Variants in TPX2 observed in about 807,000 individuals in gnomAD.
TPX2 encodes the protein TPX2 microtubule nucleation factor.
TPX2 carries 21 observed loss-of-function variants against 93.6 expected under a neutral mutation model. That is an observed-to-expected ratio of 0.22 (90% CI 0.16 to 0.32). The LOEUF is 0.32. TPX2 is among the 10% of genes least tolerant of loss of function. The pLI, the probability that TPX2 is intolerant of heterozygous loss-of-function variation, is 1.00. For missense variants in TPX2, 776 were observed against 871.1 expected, an observed-to-expected ratio of 0.89 and a Z score of 1.37; for synonymous variants, 281 against 298.3, an observed-to-expected ratio of 0.94 and a Z score of 0.60.
rs762398409 is a variant in TPX2 at position 31,775,868 on chromosome 20, C to A, written c.610C>A (p.Gln204Lys). 4 of 1,564,266 alleles carry A rather than the reference C, an allele frequency of 2.6e-6. No homozygotes were observed. Among genetic ancestry groups the A allele is most frequent in the Middle Eastern group, 1.7e-4 (1 of 5,828 alleles). Reference protein sequence around the residue: ...HTVPCMPPAKQKFLKSTEEQE... With the variant: ...HTVPCMPPAKKKFLKSTEEQE... ...CTCATTTACTGATTTTCTCTTTAGG[C>A]AGAAGTTTCTAAAAAGTACTGAGGA... The change falls in exon 8 of 18, where the codon CAG (glutamine) becomes AAG (lysine). Residue 204 changes from glutamine (Q) to lysine (K), a missense_variant and splice_region_variant. Transcript: ENST00000300403.
At chr20:31,785,981 A>G (rs2062063572) in intron 12 of TPX2, among the ~76,000 whole-genome samples, 1 of 152,270 alleles carries the variant, frequency 6.6e-6, no homozygotes, top group Admixed American at 6.5e-5. Context: ...TTTTAAATAA[A>G]TATGTAAATG....
Position 31,775,997 on chromosome 20 carries a change from G to T in TPX2, c.730+9G>T. ...TGCTCTGGCTGGAATAGGTGAGCTT[G>T]GCTGTGGTTGAGTCTGATTCATGAG... is the stretch of plus-strand genomic sequence containing the variant. On this transcript the variant is annotated intron_variant, in intron 8 of 17. Transcript: ENST00000300403. 2 of 1,469,932 alleles carry T rather than the reference G, an allele frequency of 1.4e-6. No homozygotes were observed. The highest frequency in any genetic ancestry group is 1.8e-6 in the Non-Finnish European group (2 of 1,099,090). 91.1% of individuals were successfully genotyped at this position (1,469,932 alleles called of 1,614,324 possible).
chr20:31,779,773 A>G (rs1250376301), intron 10 of TPX2, among the ~76,000 whole-genome samples: 1 of 152,252 alleles, frequency 6.6e-6, no homozygotes, highest in East Asian at 1.9e-4. Flanking sequence ...GATACTTAGC[A>G]CAGGTGGAGT....
intron 12 of TPX2, among the ~76,000 whole-genome samples, chr20:31,789,994 T>C (rs1479635302): frequency 6.6e-6 from 1 of 152,228 alleles, no homozygotes; most frequent in Non-Finnish European, 1.5e-5. Flanking sequence ...TTTAAGGTTA[T>C]ACAGATTGGA....
rs539798306 is a variant in TPX2 at position 31,800,477 on chromosome 20, A to G, written c.2134-493A>G. On this transcript the variant is annotated intron_variant, in intron 17 of 17. Transcript: ENST00000300403. ...TTAGGATTGATTTTAGACTACCCTA[A>G]AGGATGGATGGGACCATGCCTTCTT... Among the ~76,000 whole-genome samples the G allele has an allele frequency of 2.0e-5, 3 of 152,316 alleles. No homozygotes were observed. The East Asian group carries it at 5.8e-4, about 29-fold the overall frequency.
At chr20:31,744,222 C>T (rs867722562) in intron 2 of TPX2, among the ~76,000 whole-genome samples, 13 of 128,354 alleles carry the variant, frequency 1.0e-4, no homozygotes, top group African/African-American at 4.1e-4. Flanking sequence ...AGTGCAATGG[C>T]GCGATCTCTG....
intron 7 of TPX2, among the ~76,000 whole-genome samples, chr20:31,773,800 A>G (rs1340462797): frequency 3.3e-5 from 5 of 152,224 alleles, no homozygotes; most frequent in Non-Finnish European, 7.3e-5. Context: ...AATTTGGAAT[A>G]ATTAAATCTA....
chr20:31,755,937 C>T (rs149086706), intron 2 of TPX2, among the ~76,000 whole-genome samples: 66 of 152,268 alleles, frequency 4.3e-4, no homozygotes, highest in Admixed American at 8.5e-4. Flanking sequence ...TGCAAAACTT[C>T]GTACGCAGGA....
At chr20:31,791,181 C>A (rs2062098414) in intron 12 of TPX2, among the ~76,000 whole-genome samples, 1 of 152,044 alleles carries the variant, frequency 6.6e-6, no homozygotes, top group Admixed American at 6.5e-5. Context: ...ACTAAGGAGG[C>A]CATGAAGGCG....
chr20:31,757,773 C>T (rs1231892103), intron 3 of TPX2, among the ~76,000 whole-genome samples, 191 bp downstream of exon 3: 2 of 152,180 alleles, frequency 1.3e-5, no homozygotes, highest in Admixed American at 6.5e-5. Flanking sequence ...ATTGTAAGTA[C>T]AAAGCATATG....
intron 12 of TPX2, among the ~76,000 whole-genome samples, chr20:31,789,689 T>A (rs2062088397): frequency 6.6e-6 from 1 of 152,082 alleles, no homozygotes; most frequent in Non-Finnish European, 1.5e-5. Context: ...GAGCCCCTAG[T>A]TAACTTTGAT....
intron 8 of TPX2, among the ~76,000 whole-genome samples, chr20:31,776,945 G>A (rs2062003860): frequency 6.6e-6 from 1 of 152,128 alleles, no homozygotes; most frequent in Non-Finnish European, 1.5e-5. Flanking sequence ...TTTTCTAAAG[G>A]CAAAGGAAAA....
At chr20:31,746,846 A>C (rs977979750) in intron 2 of TPX2, among the ~76,000 whole-genome samples, 2 of 152,216 alleles carry the variant, frequency 1.3e-5, no homozygotes, top group African/African-American at 4.8e-5. Context: ...CTTTGTCTGC[A>C]ATCTTCCTAA....
chr20:31,774,116 G>A (rs2061981067), intron 7 of TPX2, among the ~76,000 whole-genome samples: 1 of 152,088 alleles, frequency 6.6e-6, no homozygotes, highest in South Asian at 2.1e-4. Context: ...TGATCCACCT[G>A]CCTCAGCCTC....
At chr20:31,761,857 T>C (rs968978735) in intron 4 of TPX2, among the ~76,000 whole-genome samples, 4 of 152,220 alleles carry the variant, frequency 2.6e-5, no homozygotes, top group Admixed American at 1.3e-4. Flanking sequence ...GCTGTACTAA[T>C]TGACTTTACT....
At chr20:31,788,547 C>A (rs1254844895) in intron 12 of TPX2, among the ~76,000 whole-genome samples, 1 of 152,166 alleles carries the variant, frequency 6.6e-6, no homozygotes, top group African/African-American at 2.4e-5. Context: ...TCCACGTCCC[C>A]CCCAGTGCTG....
chr20:31,782,434 G>A (rs1443597016), intron 11 of TPX2, 44 bp downstream of exon 11: 2 of 1,557,552 alleles, frequency 1.3e-6, no homozygotes, highest in Non-Finnish European at 8.7e-7. Context: ...CCACGAACCT[G>A]CCTACTTTAT....
At chr20:31,744,488 G>T (rs543935927) in intron 2 of TPX2, among the ~76,000 whole-genome samples, 1 of 151,866 alleles carries the variant, frequency 6.6e-6, no homozygotes, top group Non-Finnish European at 1.5e-5. Context: ...ATCAGGCTAT[G>T]AATATTTTCC....
chr20:31,782,446 T>G (rs1338561421), intron 11 of TPX2, 56 bp downstream of exon 11: 10 of 1,546,828 alleles, frequency 6.5e-6, no homozygotes, highest in Non-Finnish European at 8.7e-6. Flanking sequence ...CTACTTTATT[T>G]TCAGTTCTGT....
Sources: allele counts gnomAD v4.1 joint callset (sites outside exome capture counted in the v4.1 genomes callset), GRCh38; gene constraint gnomAD v4.1.1; transcripts MANE v1.5; gene names NCBI Gene and HGNC (gene_info 2026-07-23, HGNC 2026-07-21).